Variants in CABIN1 observed in about 807,000 individuals in gnomAD.
CABIN1 encodes calcineurin-binding protein cabin-1.
CABIN1 carries 133 observed loss-of-function variants against 227.7 expected under a neutral mutation model. That is an observed-to-expected ratio of 0.58 (90% CI 0.51 to 0.67). The LOEUF (loss-of-function observed/expected upper bound fraction) is 0.67, where lower values mean the gene tolerates loss of function less well. Among genes scored for constraint, CABIN1 ranks in the 30% least tolerant of loss-of-function variants. The pLI, the probability that CABIN1 is intolerant of heterozygous loss-of-function variation, is 0.00. For synonymous variants in CABIN1, 1,086 were observed against 1,155.1 expected (o/e 0.94, Z 1.21); for missense variants, 2,408 against 2,852.5 (o/e 0.84, Z 3.55).
intron 29 of CABIN1, among the ~76,000 whole-genome samples, chr22:24,136,103 G>A (rs893495407): frequency 3.3e-5 from 5 of 152,204 alleles, no homozygotes; most frequent in African/African-American, 9.7e-5. Flanking sequence ...CCTCCCCACA[G>A]CAGAAACTGT....
intron 34 of CABIN1, among the ~76,000 whole-genome samples, chr22:24,174,958 G>A (rs1255076484): frequency 6.6e-6 from 1 of 152,152 alleles, no homozygotes; most frequent in African/African-American, 2.4e-5. Context: ...GGAGTAGGGG[G>A]CTAGAGACTG....
intron 28 of CABIN1, among the ~76,000 whole-genome samples, chr22:24,131,048 C>A (rs1272697135): frequency 6.6e-6 from 1 of 152,202 alleles, no homozygotes; most frequent in African/African-American, 2.4e-5. Context: ...CGTCCCATGG[C>A]CACAGGGCCT....
chr22:24,015,946 A>G (rs1283991524), intron 1 of CABIN1, among the ~76,000 whole-genome samples: 2 of 152,210 alleles, frequency 1.3e-5, no homozygotes, highest in African/African-American at 4.8e-5. Context: ...CGACAGGGCG[A>G]GACCCGGTCT....
rs532627104 is a variant in CABIN1 at position 24,015,857 on chromosome 22, C to T, written c.-75+4490C>T. Among the ~76,000 whole-genome samples, 4 of 152,214 alleles carry T rather than the reference C, an allele frequency of 2.6e-5. No homozygotes were observed. The East Asian group carries it at 5.9e-4, about 22-fold the overall frequency. On this transcript the variant is annotated intron_variant, in intron 1 of 36. Coordinates refer to ENST00000263119, the MANE Select transcript of CABIN1 (RefSeq NM_012295.4). ...CATGTAGTCCCAGCTACCCGGGAAG[C>T]TGAGGCAGGAGTATCGCTTGAACCC...
At chr22:24,100,447 CAG>C (rs1401614635) in intron 26 of CABIN1, among the ~76,000 whole-genome samples, 2 of 152,232 alleles carry the variant, frequency 1.3e-5, no homozygotes, top group Non-Finnish European at 2.9e-5. Context: ...TTGCTGGTGT[CAG>C]GGGATGTGCT....
rs117970386 is a variant in CABIN1 at position 24,124,112 on chromosome 22, C to G, written c.4632+4414C>G. Among the ~76,000 whole-genome samples, 1,211 of 152,362 alleles carry G rather than the reference C, an allele frequency of 7.9e-3. 6 individuals carry two copies. The highest frequency in any genetic ancestry group is 0.014 in the South Asian group (69 of 4,828). On this transcript the variant is annotated intron_variant, in intron 28 of 36. Coordinates refer to ENST00000263119, the MANE Select transcript of CABIN1 (RefSeq NM_012295.4). ...AATGTGGGCTCTGAAGCTGGCCTCA[C>G]CTGGGTTCAGATCCTCGCTCCGCAT...
At chr22:24,077,220 C>T (rs2040504485) in intron 19 of CABIN1, among the ~76,000 whole-genome samples, 1 of 152,174 alleles carries the variant, frequency 6.6e-6, no homozygotes, top group African/African-American at 2.4e-5. Context: ...CGCTTAACCT[C>T]TAGCATGCTG....
chr22:24,041,195 A>G lies in CABIN1; in HGVS notation c.267A>G (p.Lys89=), dbSNP rs759595742. The G allele has an allele frequency of 6.2e-7, 1 of 1,614,214 alleles. No homozygotes were observed. Among genetic ancestry groups the G allele is most frequent in the South Asian group, 1.1e-5 (1 of 91,088 alleles). ...TGAAACACCCTGGGCTGATACTGAA[A>G]TATTCCACTTATAAGAACTTGGCCC... is the stretch of plus-strand genomic sequence containing the variant. ...EGLKHPGLIL[K]YSTYKNLAQL... Residue 89 remains lysine, a synonymous_variant, in exon 5 of 37, where the codon AAA becomes AAG. Transcript: ENST00000263119.
intron 16 of CABIN1, among the ~76,000 whole-genome samples, chr22:24,068,475 G>A (rs1471197717): frequency 1.3e-5 from 2 of 152,242 alleles, no homozygotes; most frequent in Non-Finnish European, 2.9e-5. Context: ...AGCTGGATGT[G>A]GCAGGATACC....
intron 29 of CABIN1, among the ~76,000 whole-genome samples, chr22:24,138,114 G>T (rs2044529048): frequency 6.6e-6 from 1 of 152,222 alleles, no homozygotes; most frequent in African/African-American, 2.4e-5. Context: ...TAGAGCTTGG[G>T]TGGGGGGCAC....
intron 1 of CABIN1, among the ~76,000 whole-genome samples, chr22:24,020,006 G>C (rs952657874): frequency 6.6e-6 from 1 of 151,950 alleles, no homozygotes; most frequent in East Asian, 1.9e-4. Context: ...AATTTTATTG[G>C]CTAATATTGC....
intron 29 of CABIN1, among the ~76,000 whole-genome samples, chr22:24,162,758 C>G (rs890448758): frequency 3.3e-5 from 5 of 152,198 alleles, no homozygotes; most frequent in African/African-American, 9.7e-5. Context: ...TTTGTTTGGT[C>G]TTCCATCCTT....
chr22:24,172,654 C>G (rs1212035898), intron 34 of CABIN1, among the ~76,000 whole-genome samples: 1 of 152,234 alleles, frequency 6.6e-6, no homozygotes, highest in Non-Finnish European at 1.5e-5. Flanking sequence ...CCTTCTAAAA[C>G]CCAGGATCCA....
At chr22:24,136,145 A>G (rs2044381299) in intron 29 of CABIN1, among the ~76,000 whole-genome samples, 1 of 152,178 alleles carries the variant, frequency 6.6e-6, no homozygotes. Context: ...TCTAGAGGGC[A>G]TCTGCCCATT....
At chr22:24,152,485 C>T (rs1236398576) in intron 29 of CABIN1, among the ~76,000 whole-genome samples, 2 of 152,148 alleles carry the variant, frequency 1.3e-5, no homozygotes, top group Non-Finnish European at 2.9e-5. Flanking sequence ...TCTGCTGTCA[C>T]ACTCTAGGTA....
intron 23 of CABIN1, 150 bp downstream of exon 23, chr22:24,087,863 C>A: frequency 9.3e-7 from 1 of 1,071,916 alleles, no homozygotes; most frequent in Non-Finnish European, 1.4e-6. Flanking sequence ...GAGGCTTAAG[C>A]CATACCATGG....
intron 8 of CABIN1, among the ~76,000 whole-genome samples, chr22:24,051,834 G>A (rs2038360746): frequency 6.6e-6 from 1 of 152,078 alleles, no homozygotes; most frequent in African/African-American, 2.4e-5. Context: ...TAGCACAGAG[G>A]CAGCACATAG....
intron 29 of CABIN1, among the ~76,000 whole-genome samples, chr22:24,155,312 C>T (rs1269714867): frequency 2.6e-5 from 4 of 152,092 alleles, no homozygotes; most frequent in Non-Finnish European, 4.4e-5. Context: ...GCTTCCAGGC[C>T]GGAGAGCGAC....
chr22:24,139,341 G>A (rs2016822), intron 29 of CABIN1, among the ~76,000 whole-genome samples: 1 of 152,190 alleles, frequency 6.6e-6, no homozygotes, highest in Admixed American at 6.5e-5. Flanking sequence ...TTGGTAGGCA[G>A]AGGTGGGTGG....
Sources: allele counts gnomAD v4.1 joint callset (sites outside exome capture counted in the v4.1 genomes callset), GRCh38; gene constraint gnomAD v4.1.1; transcripts MANE v1.5; gene names NCBI Gene and HGNC (gene_info 2026-07-23, HGNC 2026-07-21).